The following CNTNAP3 variants were observed in gnomAD, a reference collection of about 807,000 sequenced individuals.
The protein encoded by CNTNAP3 is contactin associated protein family member 3.
A neutral mutation model predicts 92.1 loss-of-function variants in CNTNAP3; 36 were observed. The observed-to-expected ratio is 0.39, with a 90% CI of 0.30 to 0.52. The LOEUF is 0.52. CNTNAP3 is among the 20% of genes least tolerant of loss of function. The probability of loss-of-function intolerance (pLI) is 0.76; values close to 1 mark genes in which losing one functional copy is unlikely to be tolerated. For missense variants in CNTNAP3, 534 were observed against 1,069.6 expected (o/e 0.50, Z 6.98); for synonymous variants, 232 against 422.3 (o/e 0.55, Z 5.53).
intron 11 of CNTNAP3, among the ~76,000 whole-genome samples, chr9:39,142,376 A>C (rs1821597656): frequency 6.6e-6 from 1 of 152,162 alleles, no homozygotes; most frequent in Non-Finnish European, 1.5e-5. Flanking sequence ...CAACTCCTAG[A>C]AAATGTGTCA....
At chr9:39,134,398 C>T (rs900317732) in intron 12 of CNTNAP3, among the ~76,000 whole-genome samples, 1 of 139,036 alleles carries the variant, frequency 7.2e-6, no homozygotes, top group Non-Finnish European at 1.5e-5. Flanking sequence ...TAATATTGCT[C>T]TATTTTTTTT....
chr9:39,138,292 C>A (rs2778159), intron 12 of CNTNAP3, among the ~76,000 whole-genome samples: 1 of 152,058 alleles, frequency 6.6e-6, no homozygotes, highest in African/African-American at 2.4e-5. Context: ...GGTTCTATAG[C>A]CCTGTGATTA....
At position 39,079,046 on chromosome 9, in the gene CNTNAP3, G is replaced by C. The variant is rs1432275565; in HGVS notation, c.3443-126C>G. 6.2e-6 allele frequency: 9 copies of C among 1,441,446 alleles called. No individual in the cohort carries two copies. The African/African-American group carries it at 1.1e-4, about 18-fold the overall frequency. The allele number at this position is 1,441,446 out of a possible 1,614,324, so 89.3% of individuals were successfully genotyped here. On this transcript the variant is annotated intron_variant, in intron 21 of 23. Transcript: ENST00000297668. ...CAGGAGAGGTCCCTCCGAACCCCTC[G>C]TTCCTTCACTCCAGGAGAGGTCACC...
chr9:39,111,147 T>A (rs1324874117), intron 14 of CNTNAP3, among the ~76,000 whole-genome samples: 1 of 152,194 alleles, frequency 6.6e-6, no homozygotes, highest in Non-Finnish European at 1.5e-5. Flanking sequence ...AACTGGGATA[T>A]CCATCACTTT....
At chr9:39,107,418 A>T (rs1317033154) in intron 15 of CNTNAP3, among the ~76,000 whole-genome samples, 7 of 152,038 alleles carry the variant, frequency 4.6e-5, no homozygotes, top group Non-Finnish European at 1.0e-4. Context: ...GGAAGGAGCC[A>T]TCTGAATGGG....
chr9:39,090,112 T>C (rs1826156817), intron 18 of CNTNAP3, among the ~76,000 whole-genome samples: 1 of 152,108 alleles, frequency 6.6e-6, no homozygotes, highest in African/African-American at 2.4e-5. Context: ...GCTAATTTTT[T>C]GTATTTTTAG....
rs1244187386 is a variant in CNTNAP3 at position 39,094,417 on chromosome 9, AT to A, written c.2995+5493del. Among the ~76,000 whole-genome samples, 3 of 151,636 alleles carry A rather than the reference AT, an allele frequency of 2.0e-5. No individual in the cohort carries two copies. In the East Asian group the frequency reaches 5.8e-4, roughly 29 times the overall value. Reference sequence around the variant, plus strand: ...TGTTGTTGCCCGTGCTTTTGGGGTGATTTTTAAAAAACCACTGCCAAATCCA... The same window carrying A: ...TGTTGTTGCCCGTGCTTTTGGGGTGATTTTAAAAAACCACTGCCAAATCCA... On this transcript the variant is annotated intron_variant, in intron 18 of 23. Coordinates refer to ENST00000297668, the MANE Select transcript of CNTNAP3 (RefSeq NM_033655.5).
intron 9 of CNTNAP3, among the ~76,000 whole-genome samples, chr9:39,157,531 A>G (rs1821978242): frequency 8.7e-6 from 1 of 114,506 alleles, no homozygotes; most frequent in Non-Finnish European, 1.9e-5. Context: ...TATTTTTAGT[A>G]GAGACGGGGT....
intron 8 of CNTNAP3, among the ~76,000 whole-genome samples, chr9:39,168,291 AC>A: frequency 6.6e-6 from 1 of 150,706 alleles, no homozygotes; most frequent in East Asian, 2.0e-4. Context: ...TGCTGGGATT[AC>A]AGGCGTGAGC....
chr9:39,143,623 C>A (rs541069717), intron 11 of CNTNAP3, among the ~76,000 whole-genome samples: 1 of 152,314 alleles, frequency 6.6e-6, no homozygotes, highest in East Asian at 1.9e-4. Context: ...AGAGGGCTGA[C>A]ATAAGTACTC....
At chr9:39,085,706 A>G in intron 21 of CNTNAP3, 30 bp downstream of exon 21, 1 of 1,404,960 alleles carries the variant, frequency 7.1e-7, no homozygotes, top group Non-Finnish European at 9.8e-7. Flanking sequence ...CATGACACTT[A>G]TTTGGGAAAA....
intron 17 of CNTNAP3, 113 bp downstream of exon 17, chr9:39,102,384 A>T: frequency 6.5e-7 from 1 of 1,544,156 alleles, no homozygotes; most frequent in Non-Finnish European, 8.8e-7. Flanking sequence ...AATAGTACCA[A>T]TAAGCAGTAG....
intron 15 of CNTNAP3, among the ~76,000 whole-genome samples, chr9:39,107,803 C>CA (rs1826643782): frequency 6.6e-6 from 1 of 152,082 alleles, no homozygotes; most frequent in African/African-American, 2.4e-5. Flanking sequence ...ACAAATGAAA[C>CA]AAAGTATTCA....
Position 39,288,128 on chromosome 9 carries a change from T to G in CNTNAP3, c.-64A>C. On this transcript the variant is annotated 5_prime_UTR_variant, in exon 1 of 24. Coordinates refer to ENST00000297668, the MANE Select transcript of CNTNAP3 (RefSeq NM_033655.5). The stretch of plus-strand genomic sequence containing the variant: ...GACGGCCGCTCTGCGTCGCTCCTGC[T>G]CTCACTCCCGTCCCCTGCGCGGCTC... 2.1e-6 allele frequency: 1 copy of G among 486,668 alleles called. No homozygotes were observed. Among genetic ancestry groups the G allele is most frequent in the Non-Finnish European group, 2.9e-6 (1 of 340,540 alleles). The allele number at this position is 486,668 out of a possible 1,614,324, so 30.1% of individuals were successfully genotyped here.
At chr9:39,142,479 C>T (rs1216136749) in intron 11 of CNTNAP3, among the ~76,000 whole-genome samples, 1 of 151,868 alleles carries the variant, frequency 6.6e-6, no homozygotes, top group Non-Finnish European at 1.5e-5. Flanking sequence ...GAGACCATCC[C>T]GGCTAACATG....
chr9:39,125,767 A>G (rs1206160909), intron 13 of CNTNAP3, among the ~76,000 whole-genome samples: 1 of 152,200 alleles, frequency 6.6e-6, no homozygotes, highest in Non-Finnish European at 1.5e-5. Flanking sequence ...AGGGGTCAAT[A>G]TAACAAGAAG....
intron 17 of CNTNAP3, among the ~76,000 whole-genome samples, chr9:39,102,005 C>A (rs1180848389): frequency 1.3e-5 from 2 of 152,256 alleles, no homozygotes; most frequent in Admixed American, 6.5e-5. Flanking sequence ...TACTGCAGGG[C>A]CCGGTGGCTC....
At chr9:39,086,470 A>C (rs1005605782) in intron 20 of CNTNAP3, 4 of 503,798 alleles carry the variant, frequency 7.9e-6, no homozygotes, top group African/African-American at 2.0e-5. Context: ...TTGATATTTT[A>C]AATAGTAAAA....
intron 19 of CNTNAP3, among the ~76,000 whole-genome samples, 155 bp from the exon 20 acceptor site, chr9:39,087,004 C>T (rs1826076135): frequency 6.6e-6 from 1 of 151,940 alleles, no homozygotes. Flanking sequence ...TTTCCCGGAA[C>T]AGTGATTACT....
Sources: gnomAD v4.1 joint callset for allele counts (sites outside exome capture counted in the v4.1 genomes callset) on GRCh38, gnomAD v4.1.1 for gene constraint, MANE v1.5 for transcripts, NCBI Gene and HGNC (gene_info 2026-07-23, HGNC 2026-07-21) for gene names.